SYT10: variants seen among roughly 807,000 people sequenced by gnomAD.
The protein encoded by SYT10 is synaptotagmin-10.
A neutral mutation model predicts 51.1 loss-of-function variants in SYT10; 31 were observed. The ratio of observed to expected loss-of-function variants is 0.61; its 90% CI spans 0.46 to 0.82. SYT10 has a LOEUF of 0.82. SYT10 is among the 40% of genes least tolerant of loss of function. The pLI is 0.00. For missense variants in SYT10, 603 were observed against 634.0 expected, an observed-to-expected ratio of 0.95 and a Z score of 0.53; for synonymous variants, 233 against 225.9, an observed-to-expected ratio of 1.03 and a Z score of -0.28.
At chr12:33,393,442 AAATAT>A (rs774073659) in intron 3 of SYT10, among the ~76,000 whole-genome samples, 83 of 152,328 alleles carry the variant, frequency 5.4e-4, no homozygotes, top group South Asian at 1.0e-3. Flanking sequence ...TGATGCTTTT[AAATAT>A]TTTTACAAAA....
chr12:33,390,066 T>C (rs1333534761), intron 3 of SYT10, among the ~76,000 whole-genome samples: 1 of 152,176 alleles, frequency 6.6e-6, no homozygotes, highest in Non-Finnish European at 1.5e-5. Flanking sequence ...TAAGCACTGG[T>C]AAAAAATGAG....
At position 33,439,472 on chromosome 12, in the gene SYT10, C is replaced by A; in HGVS notation, c.51G>T (p.Leu17=). 1 of 1,614,250 alleles carries A rather than the reference C, an allele frequency of 6.2e-7. No individual in the cohort carries two copies. The highest frequency in any genetic ancestry group is 8.5e-7 in the Non-Finnish European group (1 of 1,180,030). ...DGVNSLCQKA[L]HIVTELCFAG... ...CGAAGCACAGCTCGGTGACGATGTG[C>A]AGAGCCTTCTGGCACAGACTGTTCA... Residue 17 remains leucine (L), a synonymous_variant, in exon 1 of 7, where the codon CTG becomes CTT. Transcript: ENST00000228567.
intron 1 of SYT10, chr12:33,432,842 A>G (rs1044889065): frequency 2.0e-5 from 3 of 152,104 alleles, no homozygotes; most frequent in African/African-American, 4.8e-5. Context: ...AAAAAAAGTC[A>G]TTAATATCGG....
At position 33,417,573 on chromosome 12, in the gene SYT10, T is replaced by C. The variant is rs532175270; in HGVS notation, c.509+8565A>G. 7.9e-5 allele frequency among the ~76,000 whole-genome samples: 12 copies of C among 152,322 alleles called. No homozygotes were observed. The East Asian group carries it at 2.3e-3, about 29-fold the overall frequency. On this transcript the variant is annotated intron_variant, in intron 2 of 6. Transcript: ENST00000228567. ...AGAAAATGTATCAACACAATAGTCT[T>C]GTGACTCTCAAAAGATTGAGAGGGA...
intron 6 of SYT10, among the ~76,000 whole-genome samples, chr12:33,378,403 C>A (rs997735357): frequency 9.2e-5 from 14 of 152,180 alleles, no homozygotes; most frequent in African/African-American, 2.7e-4. Context: ...CTTGAGAGTT[C>A]TTGCTCACAT....
At chr12:33,418,448 T>C (rs1403349903) in intron 2 of SYT10, among the ~76,000 whole-genome samples, 1 of 152,206 alleles carries the variant, frequency 6.6e-6, no homozygotes, top group Non-Finnish European at 1.5e-5. Flanking sequence ...AATTTATATA[T>C]GTATCACAGA....
At chr12:33,415,898 A>G (rs1866448854) in intron 2 of SYT10, among the ~76,000 whole-genome samples, 1 of 152,160 alleles carries the variant, frequency 6.6e-6, no homozygotes, top group African/African-American at 2.4e-5. Context: ...CTATATCCTT[A>G]ATCCCTTTTT....
At chr12:33,424,845 C>T (rs1225622328) in intron 2 of SYT10, among the ~76,000 whole-genome samples, 2 of 151,874 alleles carry the variant, frequency 1.3e-5, no homozygotes, top group African/African-American at 4.8e-5. Context: ...GCCTAAATGT[C>T]ATTGCTCAGG....
At chr12:33,411,435 C>T (rs757931293) in intron 2 of SYT10, among the ~76,000 whole-genome samples, 7 of 151,902 alleles carry the variant, frequency 4.6e-5, no homozygotes, top group Non-Finnish European at 8.8e-5. Context: ...TATGATCAGA[C>T]CATTGTGTAC....
At position 33,407,018 on chromosome 12, in the gene SYT10, A is replaced by C. The variant is rs1432109992; in HGVS notation, c.848T>G (p.Phe283Cys). The change falls in exon 3 of 7, where the codon TTT becomes TGT. Residue 283 changes from phenylalanine to cysteine, a missense_variant. By Grantham distance (205) the Phe-to-Cys change is radical (BLOSUM62 -2). Transcript: ENST00000228567. The stretch of plus-strand genomic sequence containing the variant: ...AGTCTTTCTGTGCACGCGGGTCTGA[A>C]ATTTCTTTTTCCTATCTGGAAGAAG... ...MYLLPDRKKKFQTRVHRKTLN... is the reference protein window; with the variant it reads ...MYLLPDRKKKCQTRVHRKTLN... 10 of 1,614,118 alleles carry C rather than the reference A, an allele frequency of 6.2e-6. No homozygotes were observed. The highest frequency in any genetic ancestry group is 8.5e-6 in the Non-Finnish European group (10 of 1,180,012).
chr12:33,390,242 C>T (rs1375393187), intron 3 of SYT10, among the ~76,000 whole-genome samples: 2 of 152,110 alleles, frequency 1.3e-5, no homozygotes, highest in Non-Finnish European at 2.9e-5. Flanking sequence ...TAAAAAGTGG[C>T]TATCATTTAA....
intron 3 of SYT10, among the ~76,000 whole-genome samples, chr12:33,403,991 G>A (rs1264030798): frequency 1.3e-5 from 2 of 152,158 alleles, no homozygotes; most frequent in Non-Finnish European, 2.9e-5. Flanking sequence ...TCTAGTTAAA[G>A]GAGAATGCCC....
intron 3 of SYT10, among the ~76,000 whole-genome samples, chr12:33,391,236 C>CT (rs57675209): frequency 0.46 from 69,987 of 151,520 alleles, 17,739 homozygotes; most frequent in East Asian, 0.88. Flanking sequence ...CGCCTGGCTG[C>CT]TTTTTATTTT....
intron 1 of SYT10, among the ~76,000 whole-genome samples, chr12:33,433,894 C>T (rs1721370697): frequency 6.6e-6 from 1 of 152,212 alleles, no homozygotes. Context: ...TAAACCTAGG[C>T]TAAAATCTAA....
At chr12:33,426,082 AC>A in intron 2 of SYT10, 55 bp downstream of exon 2, 2 of 1,483,696 alleles carry the variant, frequency 1.3e-6, no homozygotes, top group Non-Finnish European at 1.8e-6. Context: ...ACACACACAC[AC>A]ACACACACAC....
At chr12:33,412,751 C>G (rs57563723) in intron 2 of SYT10, among the ~76,000 whole-genome samples, 93,210 of 151,820 alleles carry the variant, frequency 0.61, 29,788 homozygotes, top group East Asian at 0.89. Context: ...GAGCAGAAAA[C>G]CTGAAAATTC....
At chr12:33,402,244 A>G (rs1866313148) in intron 3 of SYT10, among the ~76,000 whole-genome samples, 1 of 152,238 alleles carries the variant, frequency 6.6e-6, no homozygotes, top group African/African-American at 2.4e-5. Context: ...GATTAAATAT[A>G]ACATTCTGGT....
intron 3 of SYT10, among the ~76,000 whole-genome samples, chr12:33,403,293 T>A (rs1591988650): frequency 6.6e-6 from 1 of 150,406 alleles, no homozygotes; most frequent in South Asian, 2.1e-4. Flanking sequence ...TGTGTAGTGG[T>A]GCCATCTTGG....
chr12:33,400,544 C>T (rs975260313), intron 3 of SYT10, among the ~76,000 whole-genome samples: 1 of 147,530 alleles, frequency 6.8e-6, no homozygotes, highest in African/African-American at 2.5e-5. Flanking sequence ...TCCTTACTTG[C>T]AAGAATTTTA....
Sources: gnomAD v4.1 joint callset for allele counts (sites outside exome capture counted in the v4.1 genomes callset) on GRCh38, gnomAD v4.1.1 for gene constraint, MANE v1.5 for transcripts, NCBI Gene and HGNC (gene_info 2026-07-23, HGNC 2026-07-21) for gene names.